NRG3: variants seen among roughly 807,000 people sequenced by gnomAD.
NRG3 encodes the protein neuregulin 3.
NRG3 carries 31 observed loss-of-function variants against 66.9 expected under a neutral mutation model. The observed-to-expected ratio is 0.46, with a 90% CI of 0.35 to 0.63. The LOEUF (loss-of-function observed/expected upper bound fraction) is 0.63, where lower values mean the gene tolerates loss of function less well. NRG3 is among the 20% of genes least tolerant of loss of function. NRG3 has a pLI of 0.00. For synonymous variants in NRG3, 393 were observed against 359.4 expected, an observed-to-expected ratio of 1.09 and a Z score of -1.06; for missense variants, 910 against 878.9, an observed-to-expected ratio of 1.04 and a Z score of -0.45.
At chr10:82,669,729 G>C (rs879488453) in intron 2 of NRG3, among the ~76,000 whole-genome samples, 7 of 152,004 alleles carry the variant, frequency 4.6e-5, no homozygotes, top group South Asian at 2.1e-4. Context: ...GAGATCGAGA[G>C]CATCCTGGCT....
chr10:82,018,083 C>A (rs2061873780), intron 1 of NRG3, among the ~76,000 whole-genome samples: 1 of 152,154 alleles, frequency 6.6e-6, no homozygotes, highest in East Asian at 1.9e-4. Context: ...ATGTTGAAGT[C>A]TTTAATCCAT....
intron 1 of NRG3, among the ~76,000 whole-genome samples, chr10:82,220,336 G>A: frequency 6.6e-6 from 1 of 152,096 alleles, no homozygotes; most frequent in Non-Finnish European, 1.5e-5. Flanking sequence ...TCTTAGGAAG[G>A]CCAACTCAAA....
intron 2 of NRG3, among the ~76,000 whole-genome samples, chr10:82,661,622 C>T (rs1324504119): frequency 2.0e-5 from 3 of 151,966 alleles, no homozygotes; most frequent in East Asian, 1.9e-4. Flanking sequence ...TGCGTGTGTG[C>T]GTGTGCACAT....
chr10:82,720,549 C>G (rs956044862), intron 2 of NRG3, among the ~76,000 whole-genome samples: 14 of 151,680 alleles, frequency 9.2e-5, no homozygotes, highest in African/African-American at 3.4e-4. Context: ...TTTCATGTGC[C>G]CTAGAACACC....
intron 2 of NRG3, among the ~76,000 whole-genome samples, chr10:82,525,195 TGA>T (rs1565026721): frequency 6.6e-6 from 1 of 151,734 alleles, no homozygotes; most frequent in East Asian, 1.9e-4. Context: ...ACAAAACTGA[TGA>T]GAGAGAGAGG....
chr10:82,205,408 G>T (rs767325789), intron 1 of NRG3, among the ~76,000 whole-genome samples: 24 of 152,164 alleles, frequency 1.6e-4, no homozygotes, highest in Non-Finnish European at 3.2e-4. Flanking sequence ...GATGTTTCAT[G>T]GAGAAAAGAT....
intron 6 of NRG3, among the ~76,000 whole-genome samples, chr10:82,961,831 T>A (rs1251035058): frequency 1.3e-5 from 2 of 152,202 alleles, no homozygotes; most frequent in African/African-American, 4.8e-5. Flanking sequence ...CGCAGGCATT[T>A]ATTTCCACTT....
intron 2 of NRG3, among the ~76,000 whole-genome samples, chr10:82,359,794 T>C (rs1402831459): frequency 1.3e-5 from 2 of 152,152 alleles, no homozygotes; most frequent in African/African-American, 4.8e-5. Flanking sequence ...CATGGAAAAT[T>C]ATGACTTTTT....
intron 3 of NRG3, among the ~76,000 whole-genome samples, chr10:82,808,076 T>C (rs1324951716): frequency 6.6e-6 from 1 of 152,176 alleles, no homozygotes; most frequent in Non-Finnish European, 1.5e-5. Flanking sequence ...CCTTTCTGTG[T>C]TGTGAATGAG....
chr10:82,013,924 T>C (rs562308512), intron 1 of NRG3, among the ~76,000 whole-genome samples: 1 of 152,346 alleles, frequency 6.6e-6, no homozygotes, highest in South Asian at 2.1e-4. Flanking sequence ...TAACAAACTT[T>C]AATAGCACGT....
rs145691357 is a variant in NRG3, at chr10:82,931,005, C to T, written c.1055-20464C>T. Among the ~76,000 whole-genome samples the T allele has an allele frequency of 8.5e-5, 13 of 152,234 alleles. No individual in the cohort carries two copies. In the East Asian group the frequency reaches 1.5e-3, roughly 18 times the overall value. On this transcript the variant is annotated intron_variant, in intron 4 of 8. Coordinates refer to ENST00000372141, the MANE Select transcript of NRG3 (RefSeq NM_001010848.4). ...TGACAGCAGGATGCACTGACAGGAGCCTGGAGCAGAGTATAGGAGGCGATG... is the reference window on the plus strand; with the variant it reads ...TGACAGCAGGATGCACTGACAGGAGTCTGGAGCAGAGTATAGGAGGCGATG...
intron 3 of NRG3, among the ~76,000 whole-genome samples, chr10:82,829,735 T>C (rs1187345099): frequency 2.6e-5 from 4 of 152,162 alleles, no homozygotes; most frequent in African/African-American, 9.7e-5. Flanking sequence ...TCATTCAGGT[T>C]TTTGTTTGGT....
At chr10:82,384,743 C>T (rs2085867454) in intron 2 of NRG3, among the ~76,000 whole-genome samples, 1 of 152,088 alleles carries the variant, frequency 6.6e-6, no homozygotes, top group Non-Finnish European at 1.5e-5. Context: ...TGAAAATACA[C>T]ATGCTTGTGT....
intron 1 of NRG3, among the ~76,000 whole-genome samples, chr10:82,048,641 A>G (rs2063433770): frequency 6.6e-6 from 1 of 151,644 alleles, no homozygotes; most frequent in South Asian, 2.1e-4. Context: ...CCCACAAGAG[A>G]AAGCAGGAAA....
intron 4 of NRG3, among the ~76,000 whole-genome samples, chr10:82,946,073 A>T (rs183090708): frequency 2.6e-5 from 4 of 152,156 alleles, no homozygotes; most frequent in Admixed American, 2.6e-4. Flanking sequence ...GAATTGCTGC[A>T]CTAGGTGCTG....
At chr10:81,997,922 C>CA (rs1466208167) in intron 1 of NRG3, among the ~76,000 whole-genome samples, 1 of 148,140 alleles carries the variant, frequency 6.8e-6, no homozygotes, top group Non-Finnish European at 1.5e-5. Flanking sequence ...TTTTAGTACT[C>CA]AGAAGACAGT....
chr10:82,235,317 T>C (rs2076701457), intron 1 of NRG3, among the ~76,000 whole-genome samples: 1 of 152,242 alleles, frequency 6.6e-6, no homozygotes, highest in South Asian at 2.1e-4. Flanking sequence ...TCTGCCCCTT[T>C]ACAGGAAAAG....
At chr10:82,983,570 C>T (rs1251504982) in intron 8 of NRG3, among the ~76,000 whole-genome samples, 1 of 152,140 alleles carries the variant, frequency 6.6e-6, no homozygotes, top group East Asian at 1.9e-4. Flanking sequence ...CTGTGTGACA[C>T]ATACTAAAGA....
Position 82,720,956 on chromosome 10 carries a change from A to G in NRG3, c.954-17621A>G, listed in dbSNP as rs12218501. Among the ~76,000 whole-genome samples the G allele has an allele frequency of 1.9e-3, 290 of 150,086 alleles. 4 individuals carry two copies. The East Asian group carries it at 0.053, about 27-fold the overall frequency. On this transcript the variant is annotated intron_variant, in intron 2 of 8. Transcript: ENST00000372141. ...TCTGAGATTCCATTTCAACTTGTCAAACACTCCAGTTAAATAGTATTCCTC... is the reference window on the plus strand; with the variant it reads ...TCTGAGATTCCATTTCAACTTGTCAGACACTCCAGTTAAATAGTATTCCTC...
Sources: gnomAD v4.1 joint callset for allele counts (sites outside exome capture counted in the v4.1 genomes callset) on GRCh38, gnomAD v4.1.1 for gene constraint, MANE v1.5 for transcripts, NCBI Gene and HGNC (gene_info 2026-07-23, HGNC 2026-07-21) for gene names.